The following EPM2A variants were observed in gnomAD, a reference collection of about 807,000 sequenced individuals.
EPM2A encodes laforin.
A neutral mutation model predicts 26.5 loss-of-function variants in EPM2A; 21 were observed. The ratio of observed to expected loss-of-function variants is 0.79; its 90% confidence interval spans 0.56 to 1.14. EPM2A has a LOEUF of 1.14. EPM2A is among the 50% of genes most tolerant of loss of function. The pLI, the probability that EPM2A is intolerant of heterozygous loss-of-function variation, is 0.00. For synonymous variants in EPM2A, 217 were observed against 177.6 expected, an observed-to-expected ratio of 1.22 and a Z score of -1.76; for missense variants, 458 against 440.8, an observed-to-expected ratio of 1.04 and a Z score of -0.35.
At chr6:145,599,091 T>G (rs1220772483) in intron 2 of EPM2A, among the ~76,000 whole-genome samples, 1 of 152,210 alleles carries the variant, frequency 6.6e-6, no homozygotes, top group Non-Finnish European at 1.5e-5. Flanking sequence ...CTATTCGGGC[T>G]ATTTTTCCAG....
chr6:145,500,303 T>C (rs1445272065), downstream of EPM2A, among the ~76,000 whole-genome samples: 2 of 152,208 alleles, frequency 1.3e-5, no homozygotes, highest in Non-Finnish European at 2.9e-5. Flanking sequence ...TGTAAATTCT[T>C]CTTTGTTTGA....
At chr6:145,695,683 T>C (rs746847115) in intron 1 of EPM2A, among the ~76,000 whole-genome samples, 21 of 151,890 alleles carry the variant, frequency 1.4e-4, no homozygotes, top group Admixed American at 6.6e-5. Context: ...AAGTCAAACA[T>C]CAGTAAAGAA....
At chr6:145,512,660 G>A (rs561835428) in intron 2 of EPM2A, among the ~76,000 whole-genome samples, 11 of 131,116 alleles carry the variant, frequency 8.4e-5, no homozygotes, top group Non-Finnish European at 1.4e-4. Flanking sequence ...GCAGTGAGCC[G>A]AGATCGCACC....
downstream of EPM2A, among the ~76,000 whole-genome samples, chr6:145,624,978 T>C (rs563478685): frequency 6.6e-6 from 1 of 152,314 alleles, no homozygotes; most frequent in East Asian, 1.9e-4. Flanking sequence ...TCACCATGAA[T>C]GAGATCTTCT....
At chr6:145,646,856 C>T (rs1342085404) in intron 2 of EPM2A, among the ~76,000 whole-genome samples, 3 of 152,090 alleles carry the variant, frequency 2.0e-5, no homozygotes, top group East Asian at 3.9e-4. Context: ...CAAACGTGCA[C>T]GATTCTTCTC....
chr6:145,564,770 TGG>T (rs1780855854), intron 2 of EPM2A, among the ~76,000 whole-genome samples: 3 of 112,888 alleles, frequency 2.7e-5, no homozygotes, highest in Admixed American at 9.3e-5. Context: ...TGTGGGTATA[TGG>T]TGGGGGGGGG....
intron 2 of EPM2A, among the ~76,000 whole-genome samples, chr6:145,539,458 A>G (rs1780477793): frequency 6.6e-6 from 1 of 152,182 alleles, no homozygotes; most frequent in East Asian, 1.9e-4. Flanking sequence ...TGGAGGGCCT[A>G]AATGTAAGGA....
chr6:145,653,165 T>G (rs957798380), intron 2 of EPM2A, among the ~76,000 whole-genome samples: 1 of 152,224 alleles, frequency 6.6e-6, no homozygotes, highest in Admixed American at 6.5e-5. Context: ...TCTTGAATTA[T>G]AATCCCCACC....
chr6:145,430,461 C>A (rs1270899202), intron 4 of EPM2A, among the ~76,000 whole-genome samples: 1 of 151,512 alleles, frequency 6.6e-6, no homozygotes, highest in African/African-American at 2.4e-5. Flanking sequence ...CTTAGCTGGG[C>A]GTGGTGGTGG....
intron 1 of EPM2A, 99 bp downstream of exon 1, chr6:145,735,099 C>T (rs982384378): frequency 9.8e-6 from 8 of 816,458 alleles, no homozygotes; most frequent in Non-Finnish European, 1.4e-5. Context: ...GGACGCGCGC[C>T]GCCGGGGCCT....
intron 4 of EPM2A, among the ~76,000 whole-genome samples, chr6:145,487,092 C>T (rs888686355): frequency 6.6e-6 from 1 of 152,064 alleles, no homozygotes; most frequent in African/African-American, 2.4e-5. Flanking sequence ...GAACGTTGTA[C>T]TTGATTTTCT....
At chr6:145,410,741 G>T (rs1396199730) in intron 4 of EPM2A, among the ~76,000 whole-genome samples, 1 of 152,192 alleles carries the variant, frequency 6.6e-6, no homozygotes, top group Non-Finnish European at 1.5e-5. Context: ...AAAGCAGGTG[G>T]TAAGACAATA....
chr6:145,664,888 C>A (rs1034061159), intron 2 of EPM2A, among the ~76,000 whole-genome samples: 5 of 150,648 alleles, frequency 3.3e-5, no homozygotes, highest in African/African-American at 1.2e-4. Flanking sequence ...TACATGGAAA[C>A]TGAACAACCT....
chr6:145,608,419 C>T (rs1337777174), intron 2 of EPM2A, among the ~76,000 whole-genome samples: 1 of 152,058 alleles, frequency 6.6e-6, no homozygotes, highest in Non-Finnish European at 1.5e-5. Flanking sequence ...CATTAATTCC[C>T]CCTTAATGTT....
At chr6:145,599,033 G>T (rs188856860) in intron 2 of EPM2A, among the ~76,000 whole-genome samples, 1 of 152,134 alleles carries the variant, frequency 6.6e-6, no homozygotes, top group Non-Finnish European at 1.5e-5. Flanking sequence ...CTGAAGTCAG[G>T]TAACATGATG....
chr6:145,615,040 G>A (rs1004009824), intron 2 of EPM2A, among the ~76,000 whole-genome samples: 1 of 152,080 alleles, frequency 6.6e-6, no homozygotes, highest in Non-Finnish European at 1.5e-5. Context: ...TCTTTCATAG[G>A]GTTATTATTT....
rs548874239 is a variant in EPM2A, at chr6:145,544,960, G to A, written c.341-42385C>T. On this transcript the variant is annotated intron_variant, in intron 2 of 3. Coordinates refer to the EPM2A transcript ENST00000450221. Reference sequence around the variant, plus strand: ...TATTCAGTTGTGTTTAGAATCATAAGGTTGAACAACATTGCTAGGATCTTT... The same window carrying A: ...TATTCAGTTGTGTTTAGAATCATAAAGTTGAACAACATTGCTAGGATCTTT... Among the ~76,000 whole-genome samples, 4 of 152,232 alleles carry A rather than the reference G, an allele frequency of 2.6e-5. No homozygotes were observed. In the South Asian group the frequency reaches 6.2e-4, roughly 24 times the overall value.
At chr6:145,615,974 A>G (rs1775504133) in intron 2 of EPM2A, among the ~76,000 whole-genome samples, 1 of 152,234 alleles carries the variant, frequency 6.6e-6, no homozygotes, top group Non-Finnish European at 1.5e-5. Context: ...AAAGCAATAG[A>G]AAAGAAAATC....
intron 4 of EPM2A, among the ~76,000 whole-genome samples, chr6:145,428,075 G>GTTT (rs11343322): frequency 2.2e-4 from 21 of 97,528 alleles, no homozygotes; most frequent in African/African-American, 7.0e-4. Context: ...TGTGTTGATA[G>GTTT]TTTTTTTTTT....
Sources: gnomAD v4.1 joint callset for allele counts (sites outside exome capture counted in the v4.1 genomes callset) on GRCh38, gnomAD v4.1.1 for gene constraint, MANE v1.5 for transcripts, NCBI Gene and HGNC (gene_info 2026-07-23, HGNC 2026-07-21) for gene names.